Variants in C19orf67 observed in about 807,000 individuals in gnomAD.
The protein encoded by C19orf67 is chromosome 19 open reading frame 67, also known as UPF0575 protein C19orf67.
Under a neutral mutation model 41.4 loss-of-function variants are expected in C19orf67, and 28 were observed. That is an observed-to-expected ratio of 0.68 (90% confidence interval 0.50 to 0.93). C19orf67 has a LOEUF of 0.93. Ranked by LOEUF, C19orf67 falls within the 40% of genes least tolerant of loss-of-function variation. C19orf67 has a pLI of 0.00. For synonymous variants in C19orf67, 242 were observed against 203.4 expected (o/e 1.19, Z -1.62); for missense variants, 421 against 467.0 (o/e 0.90, Z 0.91).
rs1568517693 is a variant in C19orf67 at position 14,081,893 on chromosome 19, C to T, written c.1018G>A (p.Gly340Ser). ...GCTGCGCTCGGAGGCCGGGCCTGGC[C>T]TGCCTGGCCCGTGAGGATCTGCACC... ...LLVQILTGQA[G>S]QARPPSAAGP... Residue 340 changes from glycine to serine, a missense_variant, in exon 6 of 6, where the codon GGC (glycine) becomes AGC (serine). Gly to Ser is a moderately conservative substitution (Grantham distance 56). Coordinates refer to ENST00000548523, the MANE Select transcript of C19orf67 (RefSeq NM_001277378.2). The T allele has an allele frequency of 6.5e-7, 1 of 1,534,212 alleles. No individual in the cohort carries two copies. Among genetic ancestry groups the T allele is most frequent in the Non-Finnish European group, 8.7e-7 (1 of 1,145,786 alleles).
chr19:14,083,156 C>T (rs1165104914), intron 4 of C19orf67, 81 bp downstream of exon 4: 27 of 1,320,194 alleles, frequency 2.0e-5, no homozygotes, highest in Non-Finnish European at 2.8e-5. Context: ...TCACTTTTCA[C>T]TTTGCTGGTG....
chr19:14,081,626 C>CT lies in C19orf67; in HGVS notation c.*207dup, dbSNP rs34509648. On this transcript the variant is annotated 3_prime_UTR_variant, in exon 6 of 6. Coordinates refer to ENST00000548523, the MANE Select transcript of C19orf67 (RefSeq NM_001277378.2). ...TCGCAGCGGACGCTGAGCCTGTGAC[C>CT]TCTTTCTTTCTTTTATTTAACACAA... 0.047 allele frequency: 19,496 copies of CT among 417,116 alleles called. 600 individuals carry two copies. The highest frequency in any genetic ancestry group is 0.063 in the Non-Finnish European group (14,949 of 236,976). The allele number at this position is 417,116 out of a possible 1,614,324, so 25.8% of individuals were successfully genotyped here. A position where few individuals can be genotyped will look rare whatever the true frequency, so the allele number is the denominator to read the frequency against.
Position 14,081,886 on chromosome 19 carries a change from G to C in C19orf67, c.1025C>G (p.Ala342Gly), listed in dbSNP as rs757716524. The change falls in exon 6 of 6, where the codon GCC becomes GGC. Residue 342 changes from alanine (A) to glycine (G), a missense_variant. Around this residue, in one of 3 missense-constraint regions of C19orf67, gnomAD observed 253 missense variants for 307.0 expected, o/e 0.82. Coordinates refer to ENST00000548523, the MANE Select transcript of C19orf67 (RefSeq NM_001277378.2). ...VQILTGQAGQ[A>G]RPPSAAGPAG... Reference sequence around the variant, plus strand: ...AGGCCCGGCTGCGCTCGGAGGCCGGGCCTGGCCTGCCTGGCCCGTGAGGAT... The same window carrying C: ...AGGCCCGGCTGCGCTCGGAGGCCGGCCCTGGCCTGCCTGGCCCGTGAGGAT... 6.5e-7 allele frequency: 1 copy of C among 1,533,988 alleles called. No individual in the cohort carries two copies.
Position 14,081,819 on chromosome 19 carries a change from C to A in C19orf67, c.*15G>T. ...TGGAACTGTCAAGTTCCAGCTCCTACCCTCTTCCCCAGGTTCAAGACCCCT... is the reference window on the plus strand; with the variant it reads ...TGGAACTGTCAAGTTCCAGCTCCTAACCTCTTCCCCAGGTTCAAGACCCCT... On this transcript the variant is annotated 3_prime_UTR_variant, in exon 6 of 6. Coordinates refer to ENST00000548523, the MANE Select transcript of C19orf67 (RefSeq NM_001277378.2). 6.6e-7 allele frequency: 1 copy of A among 1,504,686 alleles called. No individual in the cohort carries two copies. Among genetic ancestry groups the A allele is most frequent in the Non-Finnish European group, 8.8e-7 (1 of 1,130,890 alleles). The allele number at this position is 1,504,686 out of a possible 1,614,324, so 93.2% of individuals were successfully genotyped here. A position where few individuals can be genotyped will look rare whatever the true frequency, so the allele number is the denominator to read the frequency against.
chr19:14,081,709 C>T lies in C19orf67; in HGVS notation c.*125G>A. ...CAAGCCGGACTCGGTGCAGACAGGT[C>T]AGCTCGGCCTGGCCCTTTGGAAGGC... On this transcript the variant is annotated 3_prime_UTR_variant, in exon 6 of 6. Transcript: ENST00000548523. 3 of 805,582 alleles carry T rather than the reference C, an allele frequency of 3.7e-6. No homozygotes were observed. The highest frequency in any genetic ancestry group is 2.1e-5 in the South Asian group (1 of 47,810). The allele number at this position is 805,582 out of a possible 1,614,324, so 49.9% of individuals were successfully genotyped here.
In C19orf67 at chr19:14,082,002, C is replaced by CA; in HGVS notation, c.908dup (p.Leu303PhefsTer68). 1 of 1,157,198 alleles carries CA rather than the reference C, an allele frequency of 8.6e-7. No individual in the cohort carries two copies. The highest frequency in any genetic ancestry group is 1.2e-6 in the Non-Finnish European group (1 of 824,806). 71.7% of individuals were successfully genotyped at this position (1,157,198 alleles called of 1,614,324 possible). A position where few individuals can be genotyped will look rare whatever the true frequency, so the allele number is the denominator to read the frequency against. On this transcript the variant is annotated frameshift_variant, in exon 6 of 6. Coordinates refer to ENST00000548523, the MANE Select transcript of C19orf67 (RefSeq NM_001277378.2). LOFTEE classifies it high-confidence loss of function. ...GGTAGTCCCCAAGCGGCTGCGGGCACAAAATCCTGGGGTGGGGGGGCCAGG... is the reference window on the plus strand; with the variant it reads ...GGTAGTCCCCAAGCGGCTGCGGGCACAAAAATCCTGGGGTGGGGGGGCCAGG...
rs141414640 is a variant in C19orf67 at position 14,083,668 on chromosome 19, A to C, written c.481-63T>G. ...CTGCGAGGAGTGGGCCTCCCCCTCC[A>C]CCATCCCCACAGGCTCAGAGCTGCG... On this transcript the variant is annotated intron_variant, in intron 2 of 5. Transcript: ENST00000548523. 1,240 of 1,522,420 alleles carry C rather than the reference A, an allele frequency of 8.1e-4. 10 individuals are homozygous for C. In the African/African-American group the frequency reaches 0.016, roughly 19 times the overall value. 94.3% of individuals were successfully genotyped at this position (1,522,420 alleles called of 1,614,324 possible). A position where few individuals can be genotyped will look rare whatever the true frequency, so the allele number is the denominator to read the frequency against.
chr19:14,084,868 GCCTCCT>G (rs1019478225), intron 1 of C19orf67, among the ~76,000 whole-genome samples: 10 of 152,204 alleles, frequency 6.6e-5, no homozygotes, highest in Admixed American at 5.9e-4. Flanking sequence ...ACCCAACCCA[GCCTCCT>G]AGGAAATTCC....
At chr19:14,083,468 T>C in intron 3 of C19orf67, 37 bp downstream of exon 3, 3 of 1,532,412 alleles carry the variant, frequency 2.0e-6, no homozygotes, top group Middle Eastern at 1.7e-4. Flanking sequence ...GGCCTTGGAC[T>C]CCTTCATCCC....
Position 14,085,679 on chromosome 19 carries a change from A to T in C19orf67, c.-52T>A. The T allele has an allele frequency of 7.2e-7, 1 of 1,392,246 alleles. No homozygotes were observed. 86.2% of individuals were successfully genotyped at this position (1,392,246 alleles called of 1,614,324 possible). A position where few individuals can be genotyped will look rare whatever the true frequency, so the allele number is the denominator to read the frequency against. Reference sequence around the variant, plus strand: ...GCTCTTTAAGCTTCCGCTGCTGCTCAGGTTGGCCGCGGGTTCGACCCCGCC... The same window carrying T: ...GCTCTTTAAGCTTCCGCTGCTGCTCTGGTTGGCCGCGGGTTCGACCCCGCC... On this transcript the variant is annotated 5_prime_UTR_variant, in exon 1 of 6. Transcript: ENST00000548523.
At position 14,083,768 on chromosome 19, in the gene C19orf67, T is replaced by TG; in HGVS notation, c.444dup (p.Ile149HisfsTer46). The TG allele has an allele frequency of 1.4e-6, 2 of 1,431,470 alleles. No homozygotes were observed. The highest frequency in any genetic ancestry group is 2.5e-5 in the East Asian group (1 of 39,810). The allele number at this position is 1,431,470 out of a possible 1,614,324, so 88.7% of individuals were successfully genotyped here. Reference sequence around the variant, plus strand: ...ACCAGCTCCTGCAGGGGTCCATAGATGGGGGGTATGCTTCTCGCGGCTGCC... The same window carrying TG: ...ACCAGCTCCTGCAGGGGTCCATAGATGGGGGGGTATGCTTCTCGCGGCTGCC... On this transcript the variant is annotated frameshift_variant, in exon 2 of 6. Transcript: ENST00000548523. LOFTEE classifies it high-confidence loss of function.
rs993656708 is a variant in C19orf67 at position 14,083,618 on chromosome 19, G to A, written c.481-13C>T. The A allele has an allele frequency of 1.6e-5, 24 of 1,534,850 alleles. No homozygotes were observed. Among genetic ancestry groups the A allele is most frequent in the South Asian group, 2.4e-5 (2 of 84,018 alleles). ...AGATCTCTAACAGCTGCATACAAGA[G>A]GGGGGTACAGTGAGATCAGCTGGCC... On this transcript the variant is annotated splice_polypyrimidine_tract_variant and intron_variant, in intron 2 of 5. Coordinates refer to ENST00000548523, the MANE Select transcript of C19orf67 (RefSeq NM_001277378.2).
Position 14,082,020 on chromosome 19 carries a change from G to T in C19orf67, c.903-12C>A. 6.7e-7 allele frequency: 1 copy of T among 1,489,702 alleles called. No individual in the cohort carries two copies. The highest frequency in any genetic ancestry group is 1.3e-5 in the South Asian group (1 of 79,182). 92.3% of individuals were successfully genotyped at this position (1,489,702 alleles called of 1,614,324 possible). A position where few individuals can be genotyped will look rare whatever the true frequency, so the allele number is the denominator to read the frequency against. On this transcript the variant is annotated splice_polypyrimidine_tract_variant and intron_variant, in intron 5 of 5. Transcript: ENST00000548523. ...GCGGGCACAAAATCCTGGGGTGGGG[G>T]GGCCAGGGATAGACAGGCCTGGACT...
At chr19:14,082,293 A>G (rs1976780161) in intron 5 of C19orf67, among the ~76,000 whole-genome samples, 176 bp downstream of exon 5, 1 of 152,182 alleles carries the variant, frequency 6.6e-6, no homozygotes, top group Admixed American at 6.5e-5. Context: ...AATGGGGCCA[A>G]TAGCATAGAT....
intron 4 of C19orf67, among the ~76,000 whole-genome samples, chr19:14,082,944 A>G (rs1976792202): frequency 6.6e-6 from 1 of 152,018 alleles, no homozygotes; most frequent in Admixed American, 6.5e-5. Flanking sequence ...TCCTGGGCTC[A>G]AGTGCTCCTC....
At position 14,083,120 on chromosome 19, in the gene C19orf67, C is replaced by A; in HGVS notation, c.767+117G>T. The A allele has an allele frequency of 8.2e-6, 7 of 857,750 alleles. No homozygotes were observed. In the South Asian group the frequency reaches 1.2e-4, roughly 14 times the overall value. The allele number at this position is 857,750 out of a possible 1,614,324, so 53.1% of individuals were successfully genotyped here. A position where few individuals can be genotyped will look rare whatever the true frequency, so the allele number is the denominator to read the frequency against. On this transcript the variant is annotated intron_variant, in intron 4 of 5. Coordinates refer to ENST00000548523, the MANE Select transcript of C19orf67 (RefSeq NM_001277378.2). ...CCTCCCAAAGTGTTGGGATTACAGG[C>A]GTGAGCCACTGCCTCGGGCCCTGGC...
chr19:14,085,025 C>G (rs60677385), intron 1 of C19orf67, among the ~76,000 whole-genome samples: 7,363 of 152,286 alleles, frequency 0.048, 575 homozygotes, highest in African/African-American at 0.17. Flanking sequence ...AAATGTAAGA[C>G]AGCACTTAAA....
chr19:14,085,508 AGGGGGCGTCGACCTGGAG>A lies in C19orf67; in HGVS notation c.102_119del (p.Ser35_Pro40del), dbSNP rs1555770609. ...GCTCAGATGGGTTCCCAGGCCTGCC[AGGGGGCGTCGACCTGGAG>A]GGGTCTCCGCAGGGCGGCGTCCCAG... On this transcript the variant is annotated inframe_deletion, in exon 1 of 6. Coordinates refer to ENST00000548523, the MANE Select transcript of C19orf67 (RefSeq NM_001277378.2). 6.5e-7 allele frequency: 1 copy of A among 1,535,234 alleles called. No individual in the cohort carries two copies. The highest frequency in any genetic ancestry group is 8.7e-7 in the Non-Finnish European group (1 of 1,146,730).
At position 14,084,464 on chromosome 19, in the gene C19orf67, C is replaced by T. The variant is rs1329791641; in HGVS notation, c.336-587G>A. ...GGAGGTTGCAGTGAGCTGAGTTCGCCCCACTGCACTCCAGCCTAGGTGACA... is the reference window on the plus strand; with the variant it reads ...GGAGGTTGCAGTGAGCTGAGTTCGCTCCACTGCACTCCAGCCTAGGTGACA... On this transcript the variant is annotated intron_variant, in intron 1 of 5. Transcript: ENST00000548523. Among the ~76,000 whole-genome samples the T allele has an allele frequency of 2.0e-5, 3 of 148,558 alleles. No homozygotes were observed. In the South Asian group the frequency reaches 6.5e-4, roughly 32 times the overall value.
Sources: gnomAD v4.1 joint callset for allele counts (sites outside exome capture counted in the v4.1 genomes callset) on GRCh38, gnomAD v4.1.1 for gene constraint, gnomAD v4.1.1 regional missense constraint, MANE v1.5 for transcripts, NCBI Gene and HGNC (gene_info 2026-07-23, HGNC 2026-07-21) for gene names.